Variants in PNLDC1 observed in about 807,000 individuals in gnomAD.
PNLDC1 encodes PARN like ribonuclease domain containing exonuclease 1, also known as poly(A)-specific ribonuclease PNLDC1.
In PNLDC1, 70 loss-of-function variants were observed where a neutral mutation model predicts 82.0. The ratio of observed to expected loss-of-function variants is 0.85; its 90% CI spans 0.70 to 1.04. The LOEUF is 1.04. Ranked by LOEUF, PNLDC1 falls within the 50% of genes least tolerant of loss-of-function variation. The probability of loss-of-function intolerance (pLI) is 0.00; values close to 1 mark genes in which losing one functional copy is unlikely to be tolerated. For synonymous variants in PNLDC1, 280 were observed against 249.3 expected (o/e 1.12, Z -1.16); for missense variants, 631 against 661.1 (o/e 0.95, Z 0.50).
At chr6:159,806,629 A>G (rs1781457178) in intron 7 of PNLDC1, among the ~76,000 whole-genome samples, 1 of 152,256 alleles carries the variant, frequency 6.6e-6, no homozygotes, top group African/African-American at 2.4e-5. Context: ...AGGCAGGAGC[A>G]TCATACCGTG....
chr6:159,815,989 A>T lies in PNLDC1; in HGVS notation c.1016A>T (p.Asn339Ile). The change falls in exon 13 of 19, where the codon AAT becomes ATT. Residue 339 changes from asparagine (N) to isoleucine (I), a missense_variant. Coordinates refer to ENST00000392167, the MANE Select transcript of PNLDC1 (RefSeq NM_001271862.2). ...VLNSDLNPTK[N>I]SGPEIVHASR... ...AATAGTGACTTGAATCCCACCAAGA[A>T]TTCTGGACCAGAGATTGTTCACGCG... 6.2e-7 allele frequency: 1 copy of T among 1,613,536 alleles called. No homozygotes were observed. Among genetic ancestry groups the T allele is most frequent in the Non-Finnish European group, 8.5e-7 (1 of 1,179,790 alleles).
chr6:159,800,927 G>A (rs908217150), intron 2 of PNLDC1, 98 bp downstream of exon 2: 22 of 1,567,352 alleles, frequency 1.4e-5, no homozygotes, highest in Middle Eastern at 1.7e-4. Context: ...AGGACGTTTT[G>A]TGTGGCTTGC....
intron 3 of PNLDC1, among the ~76,000 whole-genome samples, 167 bp downstream of exon 3, chr6:159,801,353 CA>C (rs1781247461): frequency 6.6e-6 from 1 of 152,182 alleles, no homozygotes; most frequent in Non-Finnish European, 1.5e-5. Context: ...CACTTCGGAG[CA>C]AACCAAATTT....
In PNLDC1 at chr6:159,800,374, G is replaced by C. The variant is rs769271100; in HGVS notation, c.67G>C (p.Asp23His). 1.1e-5 allele frequency: 17 copies of C among 1,547,874 alleles called. No individual in the cohort carries two copies. The South Asian group carries it at 1.9e-4, about 17-fold the overall frequency. The change falls in exon 1 of 19, where the codon GAC becomes CAC. Residue 23 changes from aspartate (D) to histidine (H), a missense_variant. Transcript: ENST00000392167. ...GCTGCAGGAGCTCGTCCAGGAGGCC[G>C]ACTTCGTGGGTGAAGAGCCTGGGAT... ...PLLQELVQEA[D>H]FVGLDIEFTG...
intron 15 of PNLDC1, among the ~76,000 whole-genome samples, chr6:159,818,222 C>G (rs1031469911): frequency 1.3e-5 from 2 of 152,126 alleles, no homozygotes; most frequent in African/African-American, 4.8e-5. Flanking sequence ...GATGTCTTAC[C>G]AAGGGGGGAC....
At chr6:159,807,863 A>G (rs1385061589) in intron 7 of PNLDC1, among the ~76,000 whole-genome samples, 2 of 152,106 alleles carry the variant, frequency 1.3e-5, no homozygotes, top group Admixed American at 6.6e-5. Flanking sequence ...TGATAAGGCT[A>G]GTAATTCTGT....
chr6:159,815,848 C>T lies in PNLDC1; in HGVS notation c.996-121C>T, dbSNP rs557087554. On this transcript the variant is annotated intron_variant, in intron 12 of 18. Transcript: ENST00000392167. ...TTACCTGTCCATGCTTAGATTTGCA[C>T]CTTAAAGATATGTCCTCAGTACATT... 7.0e-6 allele frequency: 5 copies of T among 718,294 alleles called. No individual in the cohort carries two copies. In the East Asian group the frequency reaches 1.4e-4, roughly 21 times the overall value. The allele number at this position is 718,294 out of a possible 1,614,324, so 44.5% of individuals were successfully genotyped here. A position where few individuals can be genotyped will look rare whatever the true frequency, so the allele number is the denominator to read the frequency against.
At chr6:159,804,425 C>G (rs1324879282) in intron 5 of PNLDC1, 124 bp from the exon 6 acceptor site, 1 of 704,212 alleles carries the variant, frequency 1.4e-6, no homozygotes, top group Admixed American at 2.7e-5. Flanking sequence ...TACAAGTGAT[C>G]TAGACGAACT....
intron 6 of PNLDC1, 128 bp downstream of exon 6, chr6:159,804,765 G>C (rs913055363): frequency 6.2e-6 from 4 of 649,202 alleles, no homozygotes; most frequent in Non-Finnish European, 1.1e-5. Flanking sequence ...GGCTTCAGCT[G>C]CCTGTGCAGC....
At chr6:159,806,109 G>C in intron 7 of PNLDC1, 26 bp downstream of exon 7, 1 of 1,564,022 alleles carries the variant, frequency 6.4e-7, no homozygotes, top group Non-Finnish European at 8.8e-7. Context: ...TCCTCCCAAC[G>C]CAGGAGCATT....
intron 10 of PNLDC1, among the ~76,000 whole-genome samples, chr6:159,811,478 A>G (rs1781643723): frequency 6.6e-6 from 1 of 152,246 alleles, no homozygotes; most frequent in African/African-American, 2.4e-5. Context: ...TGCATCCTGA[A>G]TTTAATAGAA....
chr6:159,813,074 A>G (rs1033066898), intron 11 of PNLDC1, among the ~76,000 whole-genome samples: 1 of 152,174 alleles, frequency 6.6e-6, no homozygotes, highest in African/African-American at 2.4e-5. Flanking sequence ...CATCAGATCA[A>G]TCTTGTGAAG....
intron 15 of PNLDC1, 74 bp from the exon 16 acceptor site, chr6:159,818,481 G>C: frequency 2.2e-6 from 3 of 1,341,502 alleles, no homozygotes; most frequent in Non-Finnish European, 3.2e-6. Context: ...TCTGTCACCG[G>C]ATTCTTGGCT....
At chr6:159,808,686 G>T (rs1781538469) in intron 7 of PNLDC1, 54 bp from the exon 8 acceptor site, 1 of 1,516,238 alleles carries the variant, frequency 6.6e-7, no homozygotes, top group South Asian at 1.2e-5. Flanking sequence ...TCTCTTGTGG[G>T]GAACATGCCA....
chr6:159,809,209 T>A (rs376145834), intron 9 of PNLDC1, 51 bp downstream of exon 9: 1 of 1,587,994 alleles, frequency 6.3e-7, no homozygotes, highest in Non-Finnish European at 8.5e-7. Flanking sequence ...TTAGTATTTC[T>A]GGTCATAGAT....
At chr6:159,804,735 C>T in intron 6 of PNLDC1, 98 bp downstream of exon 6, 1 of 844,768 alleles carries the variant, frequency 1.2e-6, no homozygotes, top group South Asian at 1.7e-5. Context: ...TGGTGACCTC[C>T]ATCCATGCTT....
intron 7 of PNLDC1, among the ~76,000 whole-genome samples, chr6:159,807,396 A>AG (rs1398589476): frequency 2.5e-5 from 3 of 118,544 alleles, no homozygotes; most frequent in African/African-American, 5.1e-5. Context: ...TCTGTTTCAA[A>AG]GGAAAAAAAA....
At chr6:159,813,729 G>T in intron 12 of PNLDC1, 73 bp downstream of exon 12, 4 of 1,369,804 alleles carry the variant, frequency 2.9e-6, no homozygotes, top group Non-Finnish European at 4.2e-6. Context: ...AGGCCTTTGG[G>T]CTCTCTAGGC....
In PNLDC1 at chr6:159,819,382, T is replaced by TCCTGGGGTCCTGGAGTG. The variant is rs369213392; in HGVS notation, c.1532+33_1532+49dup. ...GTGACAGGCTGAGGCCACCTGCCTG[T>TCCTGGGGTCCTGGAGTG]CCTGGGGTCCTGGAGTGCCCGGGGT... On this transcript the variant is annotated intron_variant, in intron 18 of 18. Transcript: ENST00000392167. This position sits in a 1 kb window ranked among gnomAD's most constrained non-coding sequence, Gnocchi z 4.6. 469 of 1,597,096 alleles carry TCCTGGGGTCCTGGAGTG rather than the reference T, an allele frequency of 2.9e-4. 3 individuals are homozygous for TCCTGGGGTCCTGGAGTG. The African/African-American group carries it at 5.5e-3, about 19-fold the overall frequency.
Sources: gnomAD v4.1 joint callset for allele counts (sites outside exome capture counted in the v4.1 genomes callset) on GRCh38, gnomAD v4.1.1 for gene constraint, Gnocchi (gnomAD v3.1) non-coding constraint, MANE v1.5 for transcripts, NCBI Gene and HGNC (gene_info 2026-07-23, HGNC 2026-07-21) for gene names.